The following AK5 variants were observed in gnomAD, a reference collection of about 807,000 sequenced individuals.
AK5 encodes adenylate kinase 5, also known as adenylate kinase isoenzyme 5.
In AK5, 27 loss-of-function variants were observed where a neutral mutation model predicts 69.5. The ratio of observed to expected loss-of-function variants is 0.39; its 90% CI spans 0.29 to 0.54. The LOEUF is 0.54. Ranked by LOEUF, AK5 falls within the 20% of genes least tolerant of loss-of-function variation. The pLI, the probability that AK5 is intolerant of heterozygous loss-of-function variation, is 0.71. For missense variants in AK5, 531 were observed against 700.4 expected (o/e 0.76, Z 2.73); for synonymous variants, 260 against 244.4 (o/e 1.06, Z -0.60).
chr1:77,430,732 G>C (rs774111730), intron 8 of AK5, among the ~76,000 whole-genome samples: 1 of 152,146 alleles, frequency 6.6e-6, no homozygotes, highest in Non-Finnish European at 1.5e-5. Context: ...AGTAGAATGT[G>C]GTGTTCCAAA....
rs967624355 is a variant in AK5 at position 77,282,226 on chromosome 1, C to G, written c.-88C>G. On this transcript the variant is annotated 5_prime_UTR_variant, in exon 1 of 14. Coordinates refer to ENST00000354567, the MANE Select transcript of AK5 (RefSeq NM_174858.3). Reference sequence around the variant, plus strand: ...GGGCTGCACCGCTGCTCGGCGCGGACTCTGCCAGCCCCAGCTTCAGCCCCG... The same window carrying G: ...GGGCTGCACCGCTGCTCGGCGCGGAGTCTGCCAGCCCCAGCTTCAGCCCCG... 7.6e-7 allele frequency: 1 copy of G among 1,310,788 alleles called. No homozygotes were observed. Among genetic ancestry groups the G allele is most frequent in the Admixed American group, 2.4e-5 (1 of 41,946 alleles). 81.2% of individuals were successfully genotyped at this position (1,310,788 alleles called of 1,614,324 possible). A position where few individuals can be genotyped will look rare whatever the true frequency, so the allele number is the denominator to read the frequency against.
intron 8 of AK5, among the ~76,000 whole-genome samples, chr1:77,473,861 C>CA (rs1346240722): frequency 1.3e-5 from 2 of 152,160 alleles, no homozygotes; most frequent in Non-Finnish European, 2.9e-5. Context: ...GCAAATGCTC[C>CA]AAAAATGCTC....
At chr1:77,449,772 A>T (rs1030228018) in intron 8 of AK5, among the ~76,000 whole-genome samples, 1 of 152,122 alleles carries the variant, frequency 6.6e-6, no homozygotes, top group African/African-American at 2.4e-5. Flanking sequence ...GGAGGGGTTG[A>T]CATGCCCTGG....
chr1:77,346,873 A>T (rs1429208267), intron 6 of AK5, among the ~76,000 whole-genome samples: 2 of 152,234 alleles, frequency 1.3e-5, no homozygotes, highest in Middle Eastern at 3.2e-3. Context: ...CAAACATTTG[A>T]TAACAACTTG....
At chr1:77,391,495 G>GTGTATATATATATATATATATATA (rs1425180466) in intron 6 of AK5, among the ~76,000 whole-genome samples, 107 of 63,176 alleles carry the variant, frequency 1.7e-3, no homozygotes, top group Non-Finnish European at 2.0e-3. Flanking sequence ...GTGTGTGTGT[G>GTGTATATATATATATATATATATA]TATATATATA....
At chr1:77,474,984 G>A (rs1291841466) in intron 8 of AK5, among the ~76,000 whole-genome samples, 1 of 151,432 alleles carries the variant, frequency 6.6e-6, no homozygotes, top group South Asian at 2.1e-4. Flanking sequence ...TAACTTCTTT[G>A]TACAGACGGG....
At chr1:77,538,395 A>G (rs1047866675) in intron 13 of AK5, among the ~76,000 whole-genome samples, 6 of 151,638 alleles carry the variant, frequency 4.0e-5, no homozygotes, top group Non-Finnish European at 8.8e-5. Flanking sequence ...TGTTTTTGTT[A>G]TATAAGAGCA....
intron 8 of AK5, among the ~76,000 whole-genome samples, chr1:77,432,494 C>G (rs1038773827): frequency 6.6e-6 from 1 of 152,062 alleles, no homozygotes; most frequent in Non-Finnish European, 1.5e-5. Context: ...ATTTAACAAG[C>G]AACAGGTACA....
At chr1:77,343,258 C>T (rs550475398) in intron 6 of AK5, among the ~76,000 whole-genome samples, 1 of 152,146 alleles carries the variant, frequency 6.6e-6, no homozygotes, top group South Asian at 2.1e-4. Context: ...TATCTCTGCA[C>T]AAAGTTCTTA....
chr1:77,492,745 A>G, intron 10 of AK5, among the ~76,000 whole-genome samples: 1 of 152,232 alleles, frequency 6.6e-6, no homozygotes, highest in South Asian at 2.1e-4. Context: ...GATAACTAAA[A>G]GGAAAGTCTG....
intron 5 of AK5, among the ~76,000 whole-genome samples, chr1:77,334,268 G>A (rs1235093204): frequency 1.3e-5 from 2 of 152,246 alleles, no homozygotes; most frequent in African/African-American, 4.8e-5. Flanking sequence ...TAAAAAAATA[G>A]TGTCATTGTT....
intron 5 of AK5, among the ~76,000 whole-genome samples, chr1:77,309,566 A>G (rs546140250): frequency 2.0e-5 from 3 of 152,180 alleles, no homozygotes; most frequent in South Asian, 4.1e-4. Context: ...TTCATGTTAC[A>G]CTCTATAAAT....
chr1:77,410,222 C>T (rs186412089), intron 6 of AK5, among the ~76,000 whole-genome samples: 1 of 151,846 alleles, frequency 6.6e-6, no homozygotes, highest in South Asian at 2.1e-4. Context: ...CCACAGACCA[C>T]ATCTATAATA....
chr1:77,439,910 A>G (rs1019924316), intron 8 of AK5, among the ~76,000 whole-genome samples: 1 of 152,088 alleles, frequency 6.6e-6, no homozygotes, highest in Non-Finnish European at 1.5e-5. Context: ...CAGTGCTGCA[A>G]TAAACTTGGA....
At chr1:77,547,271 CTT>C (rs532879024) in intron 13 of AK5, among the ~76,000 whole-genome samples, 59 of 107,436 alleles carry the variant, frequency 5.5e-4, no homozygotes, top group African/African-American at 1.9e-3. Context: ...ATAAAGTTCT[CTT>C]TTTTTTTTTT....
chr1:77,400,119 G>A (rs1047977291), intron 6 of AK5, among the ~76,000 whole-genome samples: 2 of 152,204 alleles, frequency 1.3e-5, no homozygotes, highest in Non-Finnish European at 2.9e-5. Flanking sequence ...GAATATTTCA[G>A]TATATTGCAT....
chr1:77,461,648 TA>T (rs1384289647), intron 8 of AK5, among the ~76,000 whole-genome samples: 1 of 151,610 alleles, frequency 6.6e-6, no homozygotes, highest in African/African-American at 2.4e-5. Flanking sequence ...TGCGCAACTG[TA>T]ATCCCAGCTA....
At chr1:77,399,784 T>G (rs978323891) in intron 6 of AK5, among the ~76,000 whole-genome samples, 7 of 152,212 alleles carry the variant, frequency 4.6e-5, no homozygotes, top group African/African-American at 1.7e-4. Context: ...CTCAATCCTC[T>G]CAGCAAACTA....
intron 8 of AK5, among the ~76,000 whole-genome samples, chr1:77,460,699 C>T (rs952549973): frequency 3.3e-5 from 5 of 151,870 alleles, no homozygotes; most frequent in African/African-American, 9.7e-5. Context: ...AAGACAAACA[C>T]TGCATGATTT....
Sources: allele counts gnomAD v4.1 joint callset (sites outside exome capture counted in the v4.1 genomes callset), GRCh38; gene constraint gnomAD v4.1.1; transcripts MANE v1.5; gene names NCBI Gene and HGNC (gene_info 2026-07-23, HGNC 2026-07-21).